Variants in TRPC6 observed in about 807,000 individuals in gnomAD.
TRPC6 encodes the protein transient receptor potential cation channel subfamily C member 6, also known as short transient receptor potential channel 6.
In TRPC6, 55 loss-of-function variants were observed where a neutral mutation model predicts 90.7. The ratio of observed to expected loss-of-function variants is 0.61; its 90% CI spans 0.49 to 0.76. The LOEUF (loss-of-function observed/expected upper bound fraction) is 0.76. Ranked by LOEUF, TRPC6 falls within the 30% of genes least tolerant of loss-of-function variation. TRPC6 has a pLI of 0.00. For synonymous variants in TRPC6, 393 were observed against 393.0 expected, an observed-to-expected ratio of 1.00 and a Z score of 0.00; for missense variants, 989 against 1,122.7, an observed-to-expected ratio of 0.88 and a Z score of 1.70.
chr11:101,530,441 A>G (rs937627518), intron 1 of TRPC6, among the ~76,000 whole-genome samples: 14 of 152,074 alleles, frequency 9.2e-5, no homozygotes, highest in Non-Finnish European at 1.6e-4. Context: ...GTGCCTCCAG[A>G]GGCAGGTCTG....
At position 101,491,699 on chromosome 11, in the gene TRPC6, CAA is replaced by C. The variant is rs1327939086; in HGVS notation, c.983_984del (p.Phe328CysfsTer6). On this transcript the variant is annotated frameshift_variant, in exon 3 of 13. Transcript: ENST00000344327. LOFTEE classifies it high-confidence loss of function. ...YKKLSMQCKD[F>X]VVGLLDLCRN... The stretch of plus-strand genomic sequence containing the variant: ...CTGCACAGATCAAGGAGTCCAACAA[CAA>C]AGTCTTTGCACTGCATTGACAGTTT... The C allele has an allele frequency of 6.2e-7, 1 of 1,613,842 alleles. No individual in the cohort carries two copies. Among genetic ancestry groups the C allele is most frequent in the Non-Finnish European group, 8.5e-7 (1 of 1,180,000 alleles).
intron 4 of TRPC6, among the ~76,000 whole-genome samples, chr11:101,485,126 T>TAC (rs10639907): frequency 0.079 from 11,421 of 143,844 alleles, 639 homozygotes; most frequent in African/African-American, 0.15. Context: ...GGCCAAAGAA[T>TAC]ACACACACAC....
chr11:101,534,739 A>C (rs901084807), intron 1 of TRPC6, among the ~76,000 whole-genome samples: 1 of 152,214 alleles, frequency 6.6e-6, no homozygotes, highest in Non-Finnish European at 1.5e-5. Flanking sequence ...TAACATAACT[A>C]CTTCATAGCT....
chr11:101,475,558 T>G (rs916325036), intron 6 of TRPC6, among the ~76,000 whole-genome samples: 2 of 152,138 alleles, frequency 1.3e-5, no homozygotes, highest in Non-Finnish European at 2.9e-5. Context: ...CTCTAACTAA[T>G]AAGTTAGAAC....
rs1858771317 is a variant in TRPC6, at chr11:101,451,888, A to C, written c.*1067T>G. ...ATCGCTTTTAGTTGTTTAAGACACC[A>C]CTTCACATGATCAGTAAGTAACAAC... On this transcript the variant is annotated 3_prime_UTR_variant, in exon 13 of 13. Coordinates refer to ENST00000344327, the MANE Select transcript of TRPC6 (RefSeq NM_004621.6). 2 of 152,236 alleles carry C rather than the reference A, an allele frequency of 1.3e-5. No individual in the cohort carries two copies. The allele number at this position is 152,236 out of a possible 1,614,324, so 9.4% of individuals were successfully genotyped here. A position where few individuals can be genotyped will look rare whatever the true frequency, so the allele number is the denominator to read the frequency against.
intron 10 of TRPC6, among the ~76,000 whole-genome samples, chr11:101,458,721 T>C (rs934474075): frequency 2.0e-5 from 3 of 152,214 alleles, no homozygotes; most frequent in Non-Finnish European, 4.4e-5. Flanking sequence ...TGAATAAGTA[T>C]GCTTACCTTG....
chr11:101,576,632 T>C (rs1724531637), intron 1 of TRPC6, among the ~76,000 whole-genome samples: 2 of 152,182 alleles, frequency 1.3e-5, no homozygotes, highest in Non-Finnish European at 2.9e-5. Context: ...ATCACACACA[T>C]GGTAATTTTA....
intron 2 of TRPC6, among the ~76,000 whole-genome samples, chr11:101,498,863 T>A (rs1860019388): frequency 6.6e-6 from 1 of 151,970 alleles, no homozygotes; most frequent in Non-Finnish European, 1.5e-5. Flanking sequence ...AGAGTCCCCC[T>A]TTAAACAACA....
In TRPC6 at chr11:101,476,835, A is replaced by G. The variant is rs567450399; in HGVS notation, c.1511-301T>C. ...ACAGATGTTTATTGTAGGATACTTTATAATAACCCAAACACACCCACACAC... is the reference window on the plus strand; with the variant it reads ...ACAGATGTTTATTGTAGGATACTTTGTAATAACCCAAACACACCCACACAC... On this transcript the variant is annotated intron_variant, in intron 5 of 12. Coordinates refer to ENST00000344327, the MANE Select transcript of TRPC6 (RefSeq NM_004621.6). 1.8e-4 allele frequency among the ~76,000 whole-genome samples: 27 copies of G among 152,350 alleles called. No homozygotes were observed. The South Asian group carries it at 2.9e-3, about 16-fold the overall frequency.
Position 101,511,155 on chromosome 11 carries a change from C to T in TRPC6, c.171-6357G>A, listed in dbSNP as rs189089040. Among the ~76,000 whole-genome samples, 312 of 152,268 alleles carry T rather than the reference C, an allele frequency of 2.0e-3. 3 individuals carry two copies. The highest frequency in any genetic ancestry group is 2.4e-3 in the Admixed American group (37 of 15,298). On this transcript the variant is annotated intron_variant, in intron 1 of 12. Coordinates refer to ENST00000344327, the MANE Select transcript of TRPC6 (RefSeq NM_004621.6). ...CAGATATTTAGAGATTAACATTATACACAACTAGCAAGTTTGCAAACCACT... is the reference window on the plus strand; with the variant it reads ...CAGATATTTAGAGATTAACATTATATACAACTAGCAAGTTTGCAAACCACT...
At chr11:101,528,984 T>A (rs760329175) in intron 1 of TRPC6, among the ~76,000 whole-genome samples, 4 of 151,920 alleles carry the variant, frequency 2.6e-5, no homozygotes, top group African/African-American at 4.8e-5. Context: ...GCAGGAGACA[T>A]GAACAGTGGA....
At chr11:101,496,160 G>A (rs1002900827) in intron 2 of TRPC6, among the ~76,000 whole-genome samples, 16 of 152,100 alleles carry the variant, frequency 1.1e-4, no homozygotes, top group African/African-American at 3.6e-4. Context: ...TCACTCACTA[G>A]CATGAGAACA....
chr11:101,572,626 A>G (rs557797801), intron 1 of TRPC6, among the ~76,000 whole-genome samples: 2 of 152,330 alleles, frequency 1.3e-5, no homozygotes, highest in Admixed American at 1.3e-4. Context: ...CATCAATTAT[A>G]GACTGGATAA....
intron 1 of TRPC6, among the ~76,000 whole-genome samples, chr11:101,529,380 C>G (rs1414102350): frequency 1.3e-5 from 2 of 152,222 alleles, no homozygotes; most frequent in African/African-American, 2.4e-5. Flanking sequence ...CTAAGGGAAA[C>G]AGGAGATGCT....
At position 101,582,564 on chromosome 11, in the gene TRPC6, TAA is replaced by T. The variant is rs10712341; in HGVS notation, c.170+768_170+769del. 3.9e-3 allele frequency among the ~76,000 whole-genome samples: 587 copies of T among 149,012 alleles called. 6 individuals carry two copies. The highest frequency in any genetic ancestry group is 0.014 in the African/African-American group (554 of 40,350). ...CCTCCCCTCCCGCCACCCACCCAGCTAAAAAAAAAAATACCCTAGATTCATAA... is the reference window on the plus strand; with the variant it reads ...CCTCCCCTCCCGCCACCCACCCAGCTAAAAAAAAATACCCTAGATTCATAA... On this transcript the variant is annotated intron_variant, in intron 1 of 12. Coordinates refer to ENST00000344327, the MANE Select transcript of TRPC6 (RefSeq NM_004621.6).
intron 9 of TRPC6, among the ~76,000 whole-genome samples, chr11:101,470,635 A>AT (rs934951956): frequency 1.3e-5 from 2 of 151,948 alleles, no homozygotes; most frequent in Admixed American, 6.6e-5. Flanking sequence ...AAATCTTTTT[A>AT]TTTTTTTTAA....
At chr11:101,485,749 C>A (rs561995382) in intron 4 of TRPC6, among the ~76,000 whole-genome samples, 12 of 151,958 alleles carry the variant, frequency 7.9e-5, no homozygotes, top group Non-Finnish European at 1.5e-4. Context: ...AAAGTAGAAC[C>A]AAATAAATAA....
intron 1 of TRPC6, among the ~76,000 whole-genome samples, chr11:101,553,005 GAA>G (rs1028728874): frequency 1.2e-4 from 19 of 152,220 alleles, no homozygotes; most frequent in African/African-American, 1.2e-4. Context: ...TGGCTAATGT[GAA>G]AAGAGAAGCT....
rs1565243108 is a variant in TRPC6, at chr11:101,558,218, T to TGTATATGGGTATACATGTATAC, written c.170+25115_170+25116insGTATACATGTATACCCATATAC. The stretch of plus-strand genomic sequence containing the variant: ...ATATATGTGTGTGTATACATGTATA[T>TGTATATGGGTATACATGTATAC]ATGTATACATGTATATGGGTATACA... On this transcript the variant is annotated intron_variant, in intron 1 of 12. Transcript: ENST00000344327. Among the ~76,000 whole-genome samples, 3 of 55,294 alleles carry TGTATATGGGTATACATGTATAC rather than the reference T, an allele frequency of 5.4e-5. 1 individual carries two copies. The highest frequency in any genetic ancestry group is 2.6e-4 in the African/African-American group (3 of 11,330). 36.3% of individuals were successfully genotyped at this position (55,294 alleles called of 152,430 possible).
Sources: gnomAD v4.1 joint callset for allele counts (sites outside exome capture counted in the v4.1 genomes callset) on GRCh38, gnomAD v4.1.1 for gene constraint, MANE v1.5 for transcripts, NCBI Gene and HGNC (gene_info 2026-07-23, HGNC 2026-07-21) for gene names.